The following SCRG1 variants were observed in gnomAD, a reference collection of about 807,000 sequenced individuals.
SCRG1 encodes the protein stimulator of chondrogenesis 1.
A neutral mutation model predicts 7.7 loss-of-function variants in SCRG1; 3 were observed. The observed-to-expected ratio is 0.39, with a 90% CI of 0.18 to 1.01. The LOEUF (loss-of-function observed/expected upper bound fraction) is 1.01. Among genes scored for constraint, SCRG1 ranks in the 50% least tolerant of loss-of-function variants. The pLI is 0.36. For synonymous variants in SCRG1, 46 were observed against 41.2 expected (o/e 1.12, Z -0.44); for missense variants, 110 against 117.2 (o/e 0.94, Z 0.28).
chr4:173,497,102 T>C, the SCRG1 span, among the ~76,000 whole-genome samples: 1 of 151,680 alleles, frequency 6.6e-6, no homozygotes, highest in Non-Finnish European at 1.5e-5. Flanking sequence ...TGAGACTCTG[T>C]CTCAAAAAAA....
chr4:173,511,572 C>A, the SCRG1 span, among the ~76,000 whole-genome samples: 11 of 152,268 alleles, frequency 7.2e-5, no homozygotes, highest in East Asian at 2.1e-3. This position sits in a 1 kb window ranked among gnomAD's most constrained non-coding sequence, Gnocchi z 5.2. Flanking sequence ...CCCCCAATTT[C>A]ATGAATGAGT....
At chr4:173,460,863 G>T in the SCRG1 span, among the ~76,000 whole-genome samples, 3 of 152,186 alleles carry the variant, frequency 2.0e-5, no homozygotes. Flanking sequence ...ACCAGGCTAG[G>T]CAGCATTCAC....
the SCRG1 span, among the ~76,000 whole-genome samples, chr4:173,440,954 C>G: frequency 1.3e-5 from 2 of 152,086 alleles, no homozygotes; most frequent in Non-Finnish European, 2.9e-5. Context: ...GGTACCCACC[C>G]TAATCCAGTA....
the SCRG1 span, among the ~76,000 whole-genome samples, chr4:173,412,453 T>C: frequency 6.6e-6 from 1 of 152,216 alleles, no homozygotes; most frequent in African/African-American, 2.4e-5. Context: ...ATGCCTTGAT[T>C]CCCGGAAGGA....
chr4:173,437,384 T>C, the SCRG1 span, among the ~76,000 whole-genome samples: 1 of 152,226 alleles, frequency 6.6e-6, no homozygotes, highest in Non-Finnish European at 1.5e-5. Flanking sequence ...TTATTTGATC[T>C]GGCAGTACTT....
the SCRG1 span, among the ~76,000 whole-genome samples, chr4:173,501,676 C>T: frequency 1.3e-5 from 2 of 152,202 alleles, no homozygotes; most frequent in Admixed American, 6.5e-5. This position sits in a 1 kb window ranked among gnomAD's most constrained non-coding sequence, Gnocchi z 5.1. Flanking sequence ...GATGCTCTGC[C>T]CTTGTTAAAC....
the SCRG1 span, chr4:173,469,104 T>G: frequency 6.6e-6 from 1 of 152,174 alleles, no homozygotes; most frequent in Admixed American, 6.5e-5. Flanking sequence ...TTCATTTAGT[T>G]TGAAAGTCAC....
chr4:173,400,036 CAT>C (rs1244455208), upstream of SCRG1, among the ~76,000 whole-genome samples: 4 of 152,222 alleles, frequency 2.6e-5, no homozygotes, highest in South Asian at 6.2e-4. Context: ...TGAATTACCT[CAT>C]ATGCCATGCT....
At position 173,397,061 on chromosome 4, in the gene SCRG1, GAAAT is replaced by G. The variant is rs545602079; in HGVS notation, c.-15+2003_-15+2006del. On this transcript the variant is annotated intron_variant, in intron 1 of 2. Coordinates refer to ENST00000296506, the MANE Select transcript of SCRG1 (RefSeq NM_007281.4). ...GAGCCAGACTCCGTCTCAAAAAAATGAAATAAAATAAAACAAAATAAAATAAAAT... is the reference window on the plus strand; with the variant it reads ...GAGCCAGACTCCGTCTCAAAAAAATGAAAATAAAACAAAATAAAATAAAAT... 4.3e-4 allele frequency among the ~76,000 whole-genome samples: 66 copies of G among 152,090 alleles called. 1 individual carries two copies. In the East Asian group the frequency reaches 0.012, roughly 28 times the overall value.
chr4:173,464,297 T>A, the SCRG1 span, among the ~76,000 whole-genome samples: 1 of 152,236 alleles, frequency 6.6e-6, no homozygotes, highest in Non-Finnish European at 1.5e-5. Flanking sequence ...AAATGAACTT[T>A]AATAAACACA....
chr4:173,432,698 A>G, the SCRG1 span, among the ~76,000 whole-genome samples: 2 of 152,164 alleles, frequency 1.3e-5, no homozygotes, highest in Admixed American at 1.3e-4. Flanking sequence ...AACTAGTCAT[A>G]GTCCTAAAAT....
chr4:173,402,965 A>C (rs557917318), upstream of SCRG1, among the ~76,000 whole-genome samples: 1 of 152,374 alleles, frequency 6.6e-6, no homozygotes, highest in South Asian at 2.1e-4. Flanking sequence ...TCAGTTAAAA[A>C]GAAACAAGCT....
chr4:173,462,037 A>G, the SCRG1 span, among the ~76,000 whole-genome samples: 9 of 152,162 alleles, frequency 5.9e-5, no homozygotes, highest in African/African-American at 1.7e-4. Context: ...TGCAGGATCT[A>G]TATAGAAAAT....
At chr4:173,440,575 C>A in the SCRG1 span, among the ~76,000 whole-genome samples, 68 of 152,112 alleles carry the variant, frequency 4.5e-4, no homozygotes, top group African/African-American at 1.6e-3. Flanking sequence ...GACATATACA[C>A]GAAAAGACAT....
the SCRG1 span, among the ~76,000 whole-genome samples, chr4:173,466,907 T>G: frequency 4.6e-5 from 7 of 152,196 alleles, no homozygotes; most frequent in Admixed American, 2.0e-4. Context: ...TCAGCAAACA[T>G]AATCTAGTCA....
At chr4:173,484,356 A>ATATATAT in the SCRG1 span, among the ~76,000 whole-genome samples, 1 of 63,070 alleles carries the variant, frequency 1.6e-5, no homozygotes, top group African/African-American at 6.1e-5. Context: ...ATAATATATA[A>ATATATAT]TATATATTAT....
At chr4:173,392,354 T>G (rs1321351048) in intron 1 of SCRG1, among the ~76,000 whole-genome samples, 1 of 152,220 alleles carries the variant, frequency 6.6e-6, no homozygotes, top group Non-Finnish European at 1.5e-5. Flanking sequence ...AATTCCTGCG[T>G]TATAATCATC....
chr4:173,484,338 C>T, the SCRG1 span, among the ~76,000 whole-genome samples: 2 of 26,678 alleles, frequency 7.5e-5, no homozygotes, highest in Non-Finnish European at 1.5e-4. Context: ...ATATATTTAA[C>T]ATATTATATA....
chr4:173,419,661 A>G, the SCRG1 span: 3 of 761,210 alleles, frequency 3.9e-6, no homozygotes, highest in East Asian at 2.5e-5. Flanking sequence ...TGAGGGTTAG[A>G]CAAACCTCCA....
Sources: allele counts gnomAD v4.1 joint callset (sites outside exome capture counted in the v4.1 genomes callset), GRCh38; gene constraint gnomAD v4.1.1; non-coding constraint Gnocchi (gnomAD v3.1); transcripts MANE v1.5; gene names NCBI Gene and HGNC (gene_info 2026-07-23, HGNC 2026-07-21).